FIG4: variants seen among roughly 807,000 people sequenced by gnomAD.
FIG4 encodes the protein polyphosphoinositide phosphatase.
A neutral mutation model predicts 118.6 loss-of-function variants in FIG4; 112 were observed. That is an observed-to-expected ratio of 0.94 (90% CI 0.81 to 1.11). The LOEUF is 1.11. Ranked by LOEUF, FIG4 falls within the 50% of genes least tolerant of loss-of-function variation. FIG4 has a pLI of 0.00. For synonymous variants in FIG4, 369 were observed against 381.2 expected (o/e 0.97, Z 0.37); for missense variants, 969 against 1,111.7 (o/e 0.87, Z 1.83).
intron 1 of FIG4, among the ~76,000 whole-genome samples, chr6:109,708,790 G>T (rs1451598501): frequency 6.6e-6 from 1 of 151,932 alleles, no homozygotes; most frequent in Non-Finnish European, 1.5e-5. Flanking sequence ...GTCTGTTCAT[G>T]TCCTTTGCCC....
chr6:109,818,884 A>G lies in FIG4; in HGVS notation c.2547-6204A>G, dbSNP rs573443896. 2.0e-5 allele frequency among the ~76,000 whole-genome samples: 3 copies of G among 152,306 alleles called. No individual in the cohort carries two copies. The South Asian group carries it at 6.2e-4, about 32-fold the overall frequency. On this transcript the variant is annotated intron_variant, in intron 22 of 22. Transcript: ENST00000230124. ...AAATTGCATTCTGAACCTGAATTGCAAGGGATCCTGGGATATTAGTTTTTG... is the reference window on the plus strand; with the variant it reads ...AAATTGCATTCTGAACCTGAATTGCGAGGGATCCTGGGATATTAGTTTTTG...
At chr6:109,779,882 T>A (rs1777744781) in intron 16 of FIG4, among the ~76,000 whole-genome samples, 1 of 152,200 alleles carries the variant, frequency 6.6e-6, no homozygotes, top group South Asian at 2.1e-4. Flanking sequence ...TGCGACCCAT[T>A]AACCTCTCAA....
chr6:109,792,735 CCTT>C, intron 21 of FIG4, 71 bp downstream of exon 21: 1 of 653,624 alleles, frequency 1.5e-6, no homozygotes, highest in Non-Finnish European at 2.5e-6. Flanking sequence ...AACTACTATA[CCTT>C]TTTTTTTTTT....
In FIG4 at chr6:109,721,096, G is replaced by A. The variant is rs76720557; in HGVS notation, c.289+4528G>A. Among the ~76,000 whole-genome samples, 407 of 152,280 alleles carry A rather than the reference G, an allele frequency of 2.7e-3. 11 individuals carry two copies. The East Asian group carries it at 0.067, about 25-fold the overall frequency. On this transcript the variant is annotated intron_variant, in intron 3 of 22. Coordinates refer to ENST00000230124, the MANE Select transcript of FIG4 (RefSeq NM_014845.6). ...CGACACTCTTCTAAGCCTCTAGTAT[G>A]TTGAAGGGGAGTGGCAAAATAAGAA... is the stretch of plus-strand genomic sequence containing the variant.
intron 20 of FIG4, among the ~76,000 whole-genome samples, chr6:109,792,179 C>T (rs1250720365): frequency 6.6e-6 from 1 of 152,222 alleles, no homozygotes. Flanking sequence ...TAAAATTACA[C>T]TGGAATCCAG....
rs765216035 is a variant in FIG4, at chr6:109,760,277, A to G, written c.1165A>G (p.Ile389Val). 1.2e-5 allele frequency: 20 copies of G among 1,613,880 alleles called. No individual in the cohort carries two copies. Among genetic ancestry groups the G allele is most frequent in the Non-Finnish European group, 1.5e-5 (18 of 1,179,748 alleles). ...KEREKRKHER[I>V]LSEELVAAVT... ...ACGAGAGAAAAGAAAGCATGAAAGA[A>G]TTCTGAGTGAAGAACTTGTTGCTGC... Residue 389 changes from isoleucine to valine, a missense_variant, in exon 11 of 23, where the codon ATT (isoleucine) becomes GTT (valine). Coordinates refer to ENST00000230124, the MANE Select transcript of FIG4 (RefSeq NM_014845.6).
intron 1 of FIG4, among the ~76,000 whole-genome samples, chr6:109,699,039 G>A (rs2128377863): frequency 6.6e-6 from 1 of 152,208 alleles, no homozygotes; most frequent in South Asian, 2.1e-4. Flanking sequence ...TTATATGATT[G>A]GTATTGCTTC....
At chr6:109,821,015 G>T (rs1214615146) in intron 22 of FIG4, among the ~76,000 whole-genome samples, 1 of 152,114 alleles carries the variant, frequency 6.6e-6, no homozygotes, top group Non-Finnish European at 1.5e-5. Context: ...AAACAGAAGG[G>T]GTTCACCCAA....
chr6:109,708,095 G>A (rs904777936), intron 1 of FIG4, among the ~76,000 whole-genome samples: 2 of 151,388 alleles, frequency 1.3e-5, no homozygotes, highest in Admixed American at 6.6e-5. Context: ...TTGTCACCCA[G>A]GTATTAAGCC....
At chr6:109,769,475 A>G (rs1777392821) in intron 15 of FIG4, among the ~76,000 whole-genome samples, 1 of 152,206 alleles carries the variant, frequency 6.6e-6, no homozygotes, top group Admixed American at 6.5e-5. Context: ...TGGGGTGTAC[A>G]ACTTATTTTT....
At chr6:109,735,538 C>T (rs752177698) in intron 6 of FIG4, among the ~76,000 whole-genome samples, 5 of 152,032 alleles carry the variant, frequency 3.3e-5, no homozygotes, top group Non-Finnish European at 5.9e-5. Context: ...CAATTATTCA[C>T]GTACTTTTTA....
intron 10 of FIG4, among the ~76,000 whole-genome samples, chr6:109,754,760 T>C (rs187707173): frequency 1.4e-3 from 209 of 152,308 alleles, no homozygotes; most frequent in African/African-American, 4.8e-3. Context: ...GATGGTAGTT[T>C]GTATTTCTGT....
intron 19 of FIG4, among the ~76,000 whole-genome samples, chr6:109,790,769 G>T (rs1778112913): frequency 6.6e-6 from 1 of 152,004 alleles, no homozygotes; most frequent in Non-Finnish European, 1.5e-5. Flanking sequence ...TTCCAATTTG[G>T]CATTAAAATG....
Position 109,727,182 on chromosome 6 carries a change from T to G in FIG4, c.363T>G (p.Gly121=), listed in dbSNP as rs746039806. 6 of 1,609,286 alleles carry G rather than the reference T, an allele frequency of 3.7e-6. No homozygotes were observed. The African/African-American group carries it at 8.0e-5, about 22-fold the overall frequency. Residue 121 remains glycine (G), a synonymous_variant, in exon 4 of 23, where the codon GGT becomes GGG. Coordinates refer to ENST00000230124, the MANE Select transcript of FIG4 (RefSeq NM_014845.6). ...GGAGGAAGATGGCGGATATTGGAGG[T>G]CATGCAATCTATAAGGTCGAAGATA... ...TKRRKMADIG[G]HAIYKVEDTN... is the part of the protein sequence containing the mutation.
At position 109,786,332 on chromosome 6, in the gene FIG4, T is replaced by C. The variant is rs1259851235; in HGVS notation, c.1979T>C (p.Ile660Thr). 6.2e-7 allele frequency: 1 copy of C among 1,613,390 alleles called. No homozygotes were observed. Among genetic ancestry groups the C allele is most frequent in the Non-Finnish European group, 8.5e-7 (1 of 1,179,332 alleles). The change falls in exon 18 of 23, where the codon ATA becomes ACA. Residue 660 changes from isoleucine (I) to threonine (T), a missense_variant. Ile to Thr is a moderately conservative substitution (Grantham distance 89). Around this residue, in one of 3 missense-constraint regions of FIG4, gnomAD observed 330 missense variants for 348.1 expected, o/e 0.95. Coordinates refer to ENST00000230124, the MANE Select transcript of FIG4 (RefSeq NM_014845.6). ...TGTGCTGTGAACTTAAAGAAGTTGATAGTGAAGAAATTCCACAAATATGAA... is the reference window on the plus strand; with the variant it reads ...TGTGCTGTGAACTTAAAGAAGTTGACAGTGAAGAAATTCCACAAATATGAA... ...VICAVNLKKLIVKKFHKYEEE... is the reference protein window; with the variant it reads ...VICAVNLKKLTVKKFHKYEEE...
intron 18 of FIG4, among the ~76,000 whole-genome samples, chr6:109,788,293 CA>C (rs1309886077): frequency 6.6e-6 from 1 of 152,196 alleles, no homozygotes; most frequent in Admixed American, 6.5e-5. Flanking sequence ...GCTTATCTAA[CA>C]CACATGTTTT....
chr6:109,693,722 A>G (rs1324336322), intron 1 of FIG4, among the ~76,000 whole-genome samples: 1 of 152,208 alleles, frequency 6.6e-6, no homozygotes, highest in East Asian at 1.9e-4. Flanking sequence ...TGGACAAATC[A>G]TTCATGGCCA....
chr6:109,695,217 A>T (rs1359872734), intron 1 of FIG4, among the ~76,000 whole-genome samples: 1 of 152,228 alleles, frequency 6.6e-6, no homozygotes, highest in Non-Finnish European at 1.5e-5. Flanking sequence ...ATTCATCCAC[A>T]AAGAACCGAG....
At chr6:109,738,497 A>G (rs761005749) in intron 7 of FIG4, 44 bp downstream of exon 7, 1 of 1,553,326 alleles carries the variant, frequency 6.4e-7, no homozygotes, top group Non-Finnish European at 8.9e-7. Context: ...TACTAAACTT[A>G]TGATGTATCA....
Sources: gnomAD v4.1 joint callset for allele counts (sites outside exome capture counted in the v4.1 genomes callset) on GRCh38, gnomAD v4.1.1 for gene constraint, gnomAD v4.1.1 regional missense constraint, MANE v1.5 for transcripts, NCBI Gene and HGNC (gene_info 2026-07-23, HGNC 2026-07-21) for gene names.